PDE4D: variants seen among roughly 807,000 people sequenced by gnomAD.
PDE4D encodes the protein 3',5'-cyclic-AMP phosphodiesterase 4D.
PDE4D carries 24 observed loss-of-function variants against 87.4 expected under a neutral mutation model. The observed-to-expected ratio is 0.27, with a 90% CI of 0.20 to 0.39. The LOEUF (loss-of-function observed/expected upper bound fraction) is 0.39. Among genes scored for constraint, PDE4D ranks in the 10% least tolerant of loss-of-function variants. The probability of loss-of-function intolerance (pLI) is 1.00; values close to 1 mark genes in which losing one functional copy is unlikely to be tolerated. For synonymous variants in PDE4D, 384 were observed against 383.2 expected (o/e 1.00, Z -0.02); for missense variants, 714 against 1,041.0 (o/e 0.69, Z 4.32).
chr5:59,941,634 G>C (rs6859503), intron 3 of PDE4D, among the ~76,000 whole-genome samples: 5,669 of 152,262 alleles, frequency 0.037, 346 homozygotes, highest in African/African-American at 0.13. Flanking sequence ...GCCACCACCA[G>C]GCAAAATCTC....
chr5:59,591,513 C>A (rs1274560354), intron 1 of PDE4D, among the ~76,000 whole-genome samples: 1 of 152,072 alleles, frequency 6.6e-6, no homozygotes, highest in Non-Finnish European at 1.5e-5. Flanking sequence ...GTCATCATTG[C>A]ATTTTGGTAT....
At chr5:60,007,922 T>C (rs866964922) in intron 2 of PDE4D, among the ~76,000 whole-genome samples, 32 of 151,990 alleles carry the variant, frequency 2.1e-4, no homozygotes, top group African/African-American at 7.0e-4. Context: ...GCTCCTGGAA[T>C]GGAATTCACC....
chr5:59,286,263 T>G (rs925679075), intron 1 of PDE4D, among the ~76,000 whole-genome samples: 11 of 152,210 alleles, frequency 7.2e-5, no homozygotes, highest in Non-Finnish European at 1.5e-4. Context: ...ATGTTCCACA[T>G]GTTCTCTCAT....
intron 1 of PDE4D, among the ~76,000 whole-genome samples, chr5:59,755,053 A>G (rs1189306254): frequency 1.3e-5 from 2 of 152,146 alleles, no homozygotes; most frequent in Admixed American, 1.3e-4. Flanking sequence ...AGGTTGTACA[A>G]AGATGGTGTT....
At chr5:60,380,475 G>T (rs1034574928) in intron 1 of PDE4D, among the ~76,000 whole-genome samples, 1 of 152,190 alleles carries the variant, frequency 6.6e-6, no homozygotes, top group Non-Finnish European at 1.5e-5. Flanking sequence ...GCCATTTTAT[G>T]GTTCTATAAT....
chr5:59,861,036 T>TA (rs1429151881), intron 1 of PDE4D, among the ~76,000 whole-genome samples: 8 of 150,626 alleles, frequency 5.3e-5, no homozygotes, highest in African/African-American at 1.7e-4. Flanking sequence ...ATTTTTTTTT[T>TA]TTTTTTGTAT....
intron 2 of PDE4D, among the ~76,000 whole-genome samples, chr5:59,194,837 A>G (rs751097242): frequency 6.6e-6 from 1 of 152,208 alleles, no homozygotes; most frequent in Non-Finnish European, 1.5e-5. Context: ...CAGGATGTCA[A>G]TTGAAAAAGG....
intron 1 of PDE4D, among the ~76,000 whole-genome samples, chr5:59,738,572 G>A (rs1758407330): frequency 6.6e-6 from 1 of 151,994 alleles, no homozygotes; most frequent in African/African-American, 2.4e-5. Context: ...GGAAGGAAAG[G>A]TGATAGAATT....
At chr5:60,153,090 C>T (rs974017185) in intron 2 of PDE4D, among the ~76,000 whole-genome samples, 2 of 152,098 alleles carry the variant, frequency 1.3e-5, no homozygotes, top group African/African-American at 2.4e-5. Context: ...GAAAAGGCAA[C>T]CCATGGAATA....
intron 1 of PDE4D, among the ~76,000 whole-genome samples, chr5:60,500,674 G>T (rs906063886): frequency 3.3e-5 from 5 of 152,150 alleles, no homozygotes; most frequent in African/African-American, 1.2e-4. Flanking sequence ...TTATATCCTG[G>T]CTTTGCCACT....
In PDE4D at chr5:59,464,970, G is replaced by A. The variant is rs546680062; in HGVS notation, c.456-249002C>T. Among the ~76,000 whole-genome samples the A allele has an allele frequency of 3.3e-5, 5 of 152,298 alleles. No homozygotes were observed. The East Asian group carries it at 9.6e-4, about 29-fold the overall frequency. On this transcript the variant is annotated intron_variant, in intron 1 of 14. Transcript: ENST00000340635. Reference sequence around the variant, plus strand: ...CCACTAAAGCCAACCTGGTTAGCAGGATATTTCGAGGATTAAGAGCGGTAG... The same window carrying A: ...CCACTAAAGCCAACCTGGTTAGCAGAATATTTCGAGGATTAAGAGCGGTAG...
At chr5:59,805,525 A>G (rs895733449) in intron 1 of PDE4D, among the ~76,000 whole-genome samples, 2 of 152,202 alleles carry the variant, frequency 1.3e-5, no homozygotes, top group Non-Finnish European at 2.9e-5. Flanking sequence ...GTTTTGATGC[A>G]AAGTTCAAAA....
intron 1 of PDE4D, chr5:59,586,277 G>A (rs946681399): frequency 1.6e-5 from 22 of 1,357,768 alleles, no homozygotes; most frequent in South Asian, 4.7e-5. Context: ...TACCTGTCAC[G>A]GAATTTGATA....
chr5:59,253,555 T>C (rs924729884), intron 1 of PDE4D, among the ~76,000 whole-genome samples: 2 of 152,148 alleles, frequency 1.3e-5, no homozygotes, highest in Non-Finnish European at 1.5e-5. Context: ...AGAAAATGTA[T>C]GCATTTTTTT....
At chr5:59,638,181 T>C (rs1288949486) in intron 1 of PDE4D, among the ~76,000 whole-genome samples, 1 of 152,152 alleles carries the variant, frequency 6.6e-6, no homozygotes, top group Non-Finnish European at 1.5e-5. Flanking sequence ...TGGGTTTATT[T>C]TTTTCTGGGA....
chr5:60,448,652 C>G (rs906635097), intron 1 of PDE4D: 2 of 152,182 alleles, frequency 1.3e-5, no homozygotes, highest in African/African-American at 4.8e-5. Flanking sequence ...GCATACAAAT[C>G]TGGAACAGGA....
chr5:59,703,763 G>T, intron 1 of PDE4D: 1 of 370,088 alleles, frequency 2.7e-6, no homozygotes, highest in South Asian at 2.1e-5. Context: ...GGCTCTGTCT[G>T]TCCTCTTCAA....
chr5:59,004,509 A>T lies in PDE4D; in HGVS notation c.922-11044T>A, dbSNP rs570126808. 6.6e-5 allele frequency among the ~76,000 whole-genome samples: 10 copies of T among 152,274 alleles called. 1 individual carries two copies. The highest frequency in any genetic ancestry group is 5.2e-4 in the Admixed American group (8 of 15,296). On this transcript the variant is annotated intron_variant, in intron 6 of 14. Coordinates refer to ENST00000340635, the MANE Select transcript of PDE4D (RefSeq NM_001104631.2). Reference sequence around the variant, plus strand: ...AATACAGGGGTGTTATGTTAGAAAAATTTTCCTTTTTCCTGATATGATGAA... The same window carrying T: ...AATACAGGGGTGTTATGTTAGAAAATTTTTCCTTTTTCCTGATATGATGAA...
At chr5:59,766,032 T>C (rs979117246) in intron 1 of PDE4D, among the ~76,000 whole-genome samples, 1 of 152,214 alleles carries the variant, frequency 6.6e-6, no homozygotes, top group Admixed American at 6.5e-5. Flanking sequence ...GGCAGAACAC[T>C]GTACTAGCAA....
Sources: gnomAD v4.1 joint callset for allele counts (sites outside exome capture counted in the v4.1 genomes callset) on GRCh38, gnomAD v4.1.1 for gene constraint, MANE v1.5 for transcripts, NCBI Gene and HGNC (gene_info 2026-07-23, HGNC 2026-07-21) for gene names.